The following NIM1K variants were observed in gnomAD, a reference collection of about 807,000 sequenced individuals.
The protein encoded by NIM1K is NIM1 serine/threonine protein kinase.
Under a neutral mutation model 37.1 loss-of-function variants are expected in NIM1K, and 35 were observed. The ratio of observed to expected loss-of-function variants is 0.94; its 90% CI spans 0.72 to 1.25. The LOEUF (loss-of-function observed/expected upper bound fraction) is 1.25, where lower values mean the gene tolerates loss of function less well. Ranked by LOEUF, NIM1K falls within the 50% of genes most tolerant of loss-of-function variation. The pLI, the probability that NIM1K is intolerant of heterozygous loss-of-function variation, is 0.00. For synonymous variants in NIM1K, 234 were observed against 206.6 expected, an observed-to-expected ratio of 1.13 and a Z score of -1.14; for missense variants, 564 against 548.0, an observed-to-expected ratio of 1.03 and a Z score of -0.29.
rs1157948344 is a variant in NIM1K, at chr5:43,198,203, CTTTCTCTT to C, written c.-695+5794_-695+5801del. On this transcript the variant is annotated intron_variant, in intron 1 of 3. Transcript: ENST00000326035. ...TCTTTCTTTCTTTCTTTCTTTCTTT[CTTTCTCTT>C]TCTTTCTTTCTTTCTTTCTTTCTTT... Among the ~76,000 whole-genome samples, 275 of 46,396 alleles carry C rather than the reference CTTTCTCTT, an allele frequency of 5.9e-3. 1 individual carries two copies. Among genetic ancestry groups the C allele is most frequent in the African/African-American group, 0.015 (175 of 11,840 alleles). 30.4% of individuals were successfully genotyped at this position (46,396 alleles called of 152,430 possible). A position where few individuals can be genotyped will look rare whatever the true frequency, so the allele number is the denominator to read the frequency against.
In NIM1K at chr5:43,280,453, G is replaced by A. The variant is rs148853624; in HGVS notation, c.1035G>A (p.Ser345=). The change falls in exon 4 of 4, where the codon TCG becomes TCA. Residue 345 remains serine, a synonymous_variant. Coordinates refer to ENST00000326035, the MANE Select transcript of NIM1K (RefSeq NM_153361.4). ...EPFQLDPKHL[S]ETSTLKEEEN... The stretch of plus-strand genomic sequence containing the variant: ...TCCAACTGGATCCCAAACATTTGTC[G>A]GAAACCAGCACTCTCAAGGAAGAAG... The A allele has an allele frequency of 6.2e-6, 10 of 1,613,974 alleles. No homozygotes were observed. Among genetic ancestry groups the A allele is most frequent in the Admixed American group, 1.7e-5 (1 of 59,986 alleles).
rs1265201615 is a variant in NIM1K at position 43,280,016 on chromosome 5, G to GA, written c.602dup (p.Asn201LysfsTer7). ...AATTATTCATAGAGATCTGAAAGCAGAAAATGTATTCTATACCAGTAATAC... is the reference window on the plus strand; with the variant it reads ...AATTATTCATAGAGATCTGAAAGCAGAAAAATGTATTCTATACCAGTAATAC... On this transcript the variant is annotated frameshift_variant, in exon 4 of 4. Transcript: ENST00000326035. LOFTEE classifies it high-confidence loss of function. The GA allele has an allele frequency of 6.2e-7, 1 of 1,613,184 alleles. No homozygotes were observed. The highest frequency in any genetic ancestry group is 8.5e-7 in the Non-Finnish European group (1 of 1,179,274).
intron 1 of NIM1K, chr5:43,207,712 G>A (rs1752138648): frequency 1.0e-5 from 5 of 499,854 alleles, no homozygotes; most frequent in South Asian, 5.3e-5. Flanking sequence ...GTTGCTCTAT[G>A]AAGAATTGTT....
Position 43,277,060 on chromosome 5 carries a change from A to AGGT in NIM1K, c.299_301dup (p.Val100dup). ...TTTTTACTTTTTTTCCTTGCAGAAA[A>AGGT]GGTGGCCATTAAGATCCTGGACAAG... On this transcript the variant is annotated inframe_insertion, in exon 3 of 4. Coordinates refer to ENST00000326035, the MANE Select transcript of NIM1K (RefSeq NM_153361.4). 1 of 1,612,650 alleles carries AGGT rather than the reference A, an allele frequency of 6.2e-7. No homozygotes were observed. The highest frequency in any genetic ancestry group is 1.7e-5 in the Admixed American group (1 of 59,662).
intron 1 of NIM1K, among the ~76,000 whole-genome samples, chr5:43,197,821 A>G (rs1166596157): frequency 6.6e-6 from 1 of 152,158 alleles, no homozygotes; most frequent in Non-Finnish European, 1.5e-5. Context: ...TTTGGCCATT[A>G]TATTTAGACG....
intron 1 of NIM1K, among the ~76,000 whole-genome samples, chr5:43,200,547 G>A (rs1157791721): frequency 6.6e-6 from 1 of 151,046 alleles, no homozygotes; most frequent in Non-Finnish European, 1.5e-5. Context: ...TGATCTGCCC[G>A]CCTCAGCCTC....
At position 43,247,372 on chromosome 5, in the gene NIM1K, C is replaced by T. The variant is rs1198337888; in HGVS notation, c.292+1305C>T. On this transcript the variant is annotated intron_variant, in intron 2 of 3. Transcript: ENST00000326035. Reference sequence around the variant, plus strand: ...ACGGTATCATAAGGATTAATAAGTGCTCAACAAATGTTAGTTAGTTGCTTA... The same window carrying T: ...ACGGTATCATAAGGATTAATAAGTGTTCAACAAATGTTAGTTAGTTGCTTA... Among the ~76,000 whole-genome samples the T allele has an allele frequency of 2.0e-5, 3 of 152,220 alleles. No homozygotes were observed. The East Asian group carries it at 5.8e-4, about 29-fold the overall frequency.
chr5:43,211,566 A>G (rs1210262305), intron 1 of NIM1K, among the ~76,000 whole-genome samples: 2 of 152,186 alleles, frequency 1.3e-5, no homozygotes, highest in Non-Finnish European at 2.9e-5. Flanking sequence ...ATTCTGGAAT[A>G]TTGGCTGCTA....
chr5:43,212,545 G>A (rs76174104), intron 1 of NIM1K, among the ~76,000 whole-genome samples: 3,600 of 152,236 alleles, frequency 0.024, 144 homozygotes, highest in East Asian at 0.16. Flanking sequence ...TGGGGCTCAG[G>A]AGAGGAGGGC....
In NIM1K at chr5:43,233,161, T is replaced by C. The variant is rs1752566684; in HGVS notation, c.-694-11921T>C. Reference sequence around the variant, plus strand: ...ACCAGCCTGGCCAATGAGATGGAGATGCGGTCACGCATGATTACTGCTTCA... The same window carrying C: ...ACCAGCCTGGCCAATGAGATGGAGACGCGGTCACGCATGATTACTGCTTCA... On this transcript the variant is annotated intron_variant, in intron 1 of 3. Transcript: ENST00000326035. 10 of 1,290,770 alleles carry C rather than the reference T, an allele frequency of 7.7e-6. No individual in the cohort carries two copies. The East Asian group carries it at 2.3e-4, about 30-fold the overall frequency. 80.0% of individuals were successfully genotyped at this position (1,290,770 alleles called of 1,614,324 possible).
chr5:43,250,839 G>T (rs1382493087), intron 2 of NIM1K, among the ~76,000 whole-genome samples: 1 of 152,184 alleles, frequency 6.6e-6, no homozygotes, highest in Non-Finnish European at 1.5e-5. Context: ...ATACAAGTGT[G>T]GGTTCAGATG....
At chr5:43,248,266 A>G (rs1310988644) in intron 2 of NIM1K, among the ~76,000 whole-genome samples, 13 of 152,202 alleles carry the variant, frequency 8.5e-5, no homozygotes, top group Non-Finnish European at 1.9e-4. Flanking sequence ...AAGTAGGGTA[A>G]AGGGTTGGAA....
Position 43,232,978 on chromosome 5 carries a change from A to G in NIM1K, c.-694-12104A>G, listed in dbSNP as rs1197805319. 3.5e-6 allele frequency: 4 copies of G among 1,145,998 alleles called. No individual in the cohort carries two copies. The African/African-American group carries it at 6.1e-5, about 17-fold the overall frequency. The allele number at this position is 1,145,998 out of a possible 1,614,324, so 71.0% of individuals were successfully genotyped here. On this transcript the variant is annotated intron_variant, in intron 1 of 3. Transcript: ENST00000326035. ...TACCATGGGTTTCAGGTCTAGAAAC[A>G]CTGCCCTGGGCACATGCTTGCCGGA...
chr5:43,255,477 G>A (rs934508738), intron 2 of NIM1K, among the ~76,000 whole-genome samples: 12 of 152,146 alleles, frequency 7.9e-5, no homozygotes, highest in Admixed American at 6.5e-4. Flanking sequence ...AGGGCCGGGC[G>A]CGGTCGGTCA....
At chr5:43,213,970 C>T (rs1465615878) in intron 1 of NIM1K, among the ~76,000 whole-genome samples, 1 of 149,716 alleles carries the variant, frequency 6.7e-6, no homozygotes, top group African/African-American at 2.5e-5. Flanking sequence ...CTCCTTCCTT[C>T]TTCTCTTTCT....
chr5:43,227,872 G>A (rs1482531093), intron 1 of NIM1K, among the ~76,000 whole-genome samples: 1 of 152,134 alleles, frequency 6.6e-6, no homozygotes, highest in African/African-American at 2.4e-5. Flanking sequence ...CAGAAGGGCA[G>A]GGCTGGAATG....
chr5:43,265,898 C>G (rs986896673), intron 2 of NIM1K, among the ~76,000 whole-genome samples: 2 of 152,190 alleles, frequency 1.3e-5, no homozygotes, highest in African/African-American at 4.8e-5. Flanking sequence ...CCACTTCAGA[C>G]CTGTTTGCCT....
chr5:43,260,375 G>A (rs909697853), intron 2 of NIM1K, among the ~76,000 whole-genome samples: 1 of 151,990 alleles, frequency 6.6e-6, no homozygotes, highest in Non-Finnish European at 1.5e-5. Flanking sequence ...GTGATATATG[G>A]CTTTTGTTAT....
At chr5:43,230,872 C>T (rs925332492) in intron 1 of NIM1K, among the ~76,000 whole-genome samples, 1 of 152,240 alleles carries the variant, frequency 6.6e-6, no homozygotes. Flanking sequence ...TGTGCATGTA[C>T]AAGTACGCAC....
Sources: gnomAD v4.1 joint callset for allele counts (sites outside exome capture counted in the v4.1 genomes callset) on GRCh38, gnomAD v4.1.1 for gene constraint, MANE v1.5 for transcripts, NCBI Gene and HGNC (gene_info 2026-07-23, HGNC 2026-07-21) for gene names.